The following SEMA6D variants were observed in gnomAD, a reference collection of about 807,000 sequenced individuals.
SEMA6D encodes the protein semaphorin 6D, also known as semaphorin-6D.
SEMA6D carries 35 observed loss-of-function variants against 106.6 expected under a neutral mutation model. That is an observed-to-expected ratio of 0.33 (90% CI 0.25 to 0.44). The LOEUF (loss-of-function observed/expected upper bound fraction) is 0.44. Ranked by LOEUF, SEMA6D falls within the 20% of genes least tolerant of loss-of-function variation. The probability of loss-of-function intolerance (pLI) is 1.00; values close to 1 mark genes in which losing one functional copy is unlikely to be tolerated. For synonymous variants in SEMA6D, 499 were observed against 487.7 expected, an observed-to-expected ratio of 1.02 and a Z score of -0.31; for missense variants, 1,185 against 1,345.9, an observed-to-expected ratio of 0.88 and a Z score of 1.87.
chr15:47,455,397 A>T (rs1031843735), intron 2 of SEMA6D, among the ~76,000 whole-genome samples: 1 of 151,964 alleles, frequency 6.6e-6, no homozygotes, highest in African/African-American at 2.4e-5. Context: ...TATTTTCACA[A>T]AATTTTTGGA....
chr15:47,261,261 A>C (rs2034064344), intron 1 of SEMA6D, among the ~76,000 whole-genome samples: 1 of 152,102 alleles, frequency 6.6e-6, no homozygotes, highest in African/African-American at 2.4e-5. Context: ...AAGGAACCAC[A>C]TCTGTTTTGC....
chr15:47,466,561 G>C (rs906503458), intron 2 of SEMA6D, among the ~76,000 whole-genome samples: 1 of 152,002 alleles, frequency 6.6e-6, no homozygotes, highest in African/African-American at 2.4e-5. Flanking sequence ...TCATCTCCTG[G>C]TGAACACTTA....
chr15:47,765,527 G>A, intron 13 of SEMA6D: 1 of 844,872 alleles, frequency 1.2e-6, no homozygotes, highest in South Asian at 5.5e-5. Flanking sequence ...GGAGCCAAGG[G>A]GACTAAGGAG....
At chr15:47,317,545 C>G (rs2036731794) in intron 1 of SEMA6D, among the ~76,000 whole-genome samples, 2 of 152,132 alleles carry the variant, frequency 1.3e-5, no homozygotes, top group South Asian at 4.1e-4. Context: ...CAAGGCAGGT[C>G]TACTGGGAAA....
intron 1 of SEMA6D, among the ~76,000 whole-genome samples, chr15:47,336,141 A>C (rs1356716472): frequency 6.6e-6 from 1 of 152,218 alleles, no homozygotes; most frequent in East Asian, 1.9e-4. Flanking sequence ...TGGAACAGAA[A>C]AATGTAAAGG....
Position 47,773,994 on chromosome 15 carries a change from T to C in SEMA6D, c.*2209T>C, listed in dbSNP as rs1479645621. 2 of 152,638 alleles carry C rather than the reference T, an allele frequency of 1.3e-5. No homozygotes were observed. The highest frequency in any genetic ancestry group is 6.5e-5 in the Admixed American group (1 of 15,292). 9.5% of individuals were successfully genotyped at this position (152,638 alleles called of 1,614,324 possible). A position where few individuals can be genotyped will look rare whatever the true frequency, so the allele number is the denominator to read the frequency against. ...TAAATCTAGTCTCTATCCTGTTAAT[T>C]TAATTTTTAAATGCTTTATCCATTT... On this transcript the variant is annotated 3_prime_UTR_variant, in exon 19 of 19. Coordinates refer to ENST00000536845, the MANE Select transcript of SEMA6D (RefSeq NM_001358351.3).
chr15:47,764,537 CA>C, intron 11 of SEMA6D, 100 bp from the exon 12 acceptor site: 8 of 1,510,184 alleles, frequency 5.3e-6, no homozygotes, highest in Non-Finnish European at 7.2e-6. Flanking sequence ...TCTCCTTCCT[CA>C]CTTGACCTCT....
At chr15:47,472,029 G>C (rs914528738) in intron 3 of SEMA6D, among the ~76,000 whole-genome samples, 4 of 151,530 alleles carry the variant, frequency 2.6e-5, no homozygotes, top group African/African-American at 9.7e-5. Context: ...AGAGAAAAGA[G>C]AATAGATAGA....
intron 1 of SEMA6D, among the ~76,000 whole-genome samples, chr15:47,289,686 G>A (rs1039975907): frequency 6.6e-6 from 1 of 152,042 alleles, no homozygotes; most frequent in Admixed American, 6.6e-5. Flanking sequence ...AAAGCAGGGG[G>A]CCAGATATTA....
At chr15:47,551,348 G>T (rs1364823563) in intron 3 of SEMA6D, among the ~76,000 whole-genome samples, 13 of 152,074 alleles carry the variant, frequency 8.5e-5, no homozygotes, top group Admixed American at 8.5e-4. Context: ...CAGAGTTGGG[G>T]GAAGGGATGG....
chr15:47,695,111 A>C (rs1159464098), intron 4 of SEMA6D, among the ~76,000 whole-genome samples: 1 of 152,222 alleles, frequency 6.6e-6, no homozygotes, highest in Non-Finnish European at 1.5e-5. Context: ...TAGGTGGTCC[A>C]TGCTTGTTGG....
At chr15:47,436,768 A>ATATATATAT (rs1555439464) in intron 2 of SEMA6D, among the ~76,000 whole-genome samples, 1 of 125,402 alleles carries the variant, frequency 8.0e-6, no homozygotes, top group African/African-American at 3.0e-5. Context: ...TAAAAAAAAA[A>ATATATATAT]ATATATATAT....
chr15:47,212,845 G>C (rs1007039859), intron 1 of SEMA6D, among the ~76,000 whole-genome samples: 3 of 152,118 alleles, frequency 2.0e-5, no homozygotes, highest in Admixed American at 2.0e-4. Context: ...TGCCTCTGCT[G>C]TTAGATGAAT....
chr15:47,447,341 A>AC (rs1447959175), intron 2 of SEMA6D, among the ~76,000 whole-genome samples: 1 of 151,598 alleles, frequency 6.6e-6, no homozygotes, highest in Non-Finnish European at 1.5e-5. Context: ...CTTTCATCCC[A>AC]CCCCCAACCT....
intron 2 of SEMA6D, among the ~76,000 whole-genome samples, chr15:47,445,453 C>T (rs1273091567): frequency 6.6e-6 from 1 of 152,020 alleles, no homozygotes; most frequent in Non-Finnish European, 1.5e-5. Flanking sequence ...TACCCATCAT[C>T]CCACCACAGT....
At chr15:47,209,273 G>T (rs1357829431) in intron 1 of SEMA6D, among the ~76,000 whole-genome samples, 1 of 152,112 alleles carries the variant, frequency 6.6e-6, no homozygotes, top group Non-Finnish European at 1.5e-5. Context: ...CTTAGAATCT[G>T]CAACACGTGA....
chr15:47,703,421 C>T (rs1333016493), intron 4 of SEMA6D, among the ~76,000 whole-genome samples: 2 of 152,098 alleles, frequency 1.3e-5, no homozygotes, highest in African/African-American at 2.4e-5. Flanking sequence ...AAATTTATGA[C>T]ATAGGCTCTA....
At chr15:47,255,525 G>A (rs2033759428) in intron 1 of SEMA6D, among the ~76,000 whole-genome samples, 1 of 151,582 alleles carries the variant, frequency 6.6e-6, no homozygotes, top group Admixed American at 6.6e-5. Context: ...CGTAACATTA[G>A]GTTATTAGAG....
At chr15:47,232,763 G>A (rs111877190) in intron 1 of SEMA6D, among the ~76,000 whole-genome samples, 54 of 151,670 alleles carry the variant, frequency 3.6e-4, no homozygotes, top group African/African-American at 9.7e-4. Context: ...CTCTTTGCAC[G>A]TTTTTAAATA....
Sources: gnomAD v4.1 joint callset for allele counts (sites outside exome capture counted in the v4.1 genomes callset) on GRCh38, gnomAD v4.1.1 for gene constraint, MANE v1.5 for transcripts, NCBI Gene and HGNC (gene_info 2026-07-23, HGNC 2026-07-21) for gene names.